The following DPP6 variants were observed in gnomAD, a reference collection of about 807,000 sequenced individuals.
DPP6 encodes A-type potassium channel modulatory protein DPP6.
Under a neutral mutation model 122.6 loss-of-function variants are expected in DPP6, and 69 were observed. The ratio of observed to expected loss-of-function variants is 0.56; its 90% CI spans 0.46 to 0.69. The LOEUF (loss-of-function observed/expected upper bound fraction) is 0.69. DPP6 is among the 30% of genes least tolerant of loss of function. The pLI, the probability that DPP6 is intolerant of heterozygous loss-of-function variation, is 0.00. For missense variants in DPP6, 928 were observed against 1,116.9 expected, an observed-to-expected ratio of 0.83 and a Z score of 2.41; for synonymous variants, 418 against 433.1, an observed-to-expected ratio of 0.97 and a Z score of 0.43.
At chr7:153,772,862 TTCTTG>T in the DPP6 span, among the ~76,000 whole-genome samples, 2 of 147,204 alleles carry the variant, frequency 1.4e-5, no homozygotes. Context: ...CTGATAATTT[TTCTTG>T]TTTCTTTTAT....
chr7:154,413,158 A>T (rs968997058), intron 1 of DPP6, among the ~76,000 whole-genome samples: 2 of 152,226 alleles, frequency 1.3e-5, no homozygotes, highest in African/African-American at 4.8e-5. Context: ...TATAGATTCA[A>T]GGCAGCTGCC....
chr7:154,555,046 A>C (rs1829915656), intron 4 of DPP6, among the ~76,000 whole-genome samples: 1 of 152,266 alleles, frequency 6.6e-6, no homozygotes, highest in South Asian at 2.1e-4. Context: ...ATCAGTGAAA[A>C]CCATTCTAAA....
intron 2 of DPP6, among the ~76,000 whole-genome samples, chr7:154,448,970 G>A (rs1820123447): frequency 6.6e-6 from 1 of 152,190 alleles, no homozygotes; most frequent in South Asian, 2.1e-4. Context: ...AAAACTTTTA[G>A]AAGAAAACAT....
intron 1 of DPP6, among the ~76,000 whole-genome samples, chr7:153,960,258 A>G (rs912530741): frequency 3.9e-5 from 6 of 152,172 alleles, no homozygotes; most frequent in Admixed American, 1.3e-4. Context: ...GTGGCACGTC[A>G]TGCTATTTTA....
At chr7:154,567,133 C>G (rs1586645357) in intron 5 of DPP6, among the ~76,000 whole-genome samples, 2 of 152,142 alleles carry the variant, frequency 1.3e-5, no homozygotes, top group African/African-American at 4.8e-5. Flanking sequence ...ACTTTAGAGG[C>G]TCTTTCATAG....
At chr7:154,886,330 CAG>C (rs1273864104) in intron 22 of DPP6, among the ~76,000 whole-genome samples, 1 of 152,204 alleles carries the variant, frequency 6.6e-6, no homozygotes, top group Admixed American at 6.5e-5. Flanking sequence ...GAGCACAAGG[CAG>C]AGATGGGGTC....
At chr7:153,868,942 T>G in the DPP6 span, among the ~76,000 whole-genome samples, 1 of 152,222 alleles carries the variant, frequency 6.6e-6, no homozygotes, top group East Asian at 1.9e-4. Flanking sequence ...GTTGTTCAGT[T>G]TCCATGTAGT....
chr7:154,798,865 T>C (rs77237887), intron 12 of DPP6, among the ~76,000 whole-genome samples: 10 of 152,372 alleles, frequency 6.6e-5, no homozygotes, highest in Non-Finnish European at 1.3e-4. Flanking sequence ...GTTACTGTGA[T>C]ATCCTGGAGA....
At chr7:153,890,837 G>A (rs1236936103) in intron 1 of DPP6, among the ~76,000 whole-genome samples, 2 of 142,520 alleles carry the variant, frequency 1.4e-5, no homozygotes, top group Admixed American at 1.4e-4. Flanking sequence ...GACTACAGGC[G>A]TGCACCACCA....
At chr7:154,739,503 G>A (rs1191230487) in intron 8 of DPP6, among the ~76,000 whole-genome samples, 5 of 152,140 alleles carry the variant, frequency 3.3e-5, no homozygotes, top group African/African-American at 7.2e-5. Flanking sequence ...CACAAATGAC[G>A]TTCTTGAATG....
chr7:154,307,962 AT>A (rs756145843), intron 1 of DPP6, among the ~76,000 whole-genome samples: 2 of 151,846 alleles, frequency 1.3e-5, no homozygotes, highest in Non-Finnish European at 2.9e-5. Flanking sequence ...TGCTAACTCA[AT>A]GACTGCCTGC....
At chr7:154,768,174 C>T (rs1302826435) in intron 8 of DPP6, among the ~76,000 whole-genome samples, 1 of 152,230 alleles carries the variant, frequency 6.6e-6, no homozygotes. Flanking sequence ...GGCGCTAAGC[C>T]CCCCTTCATG....
intron 7 of DPP6, among the ~76,000 whole-genome samples, chr7:154,711,590 C>G (rs1279338695): frequency 6.6e-6 from 1 of 152,158 alleles, no homozygotes; most frequent in Non-Finnish European, 1.5e-5. Context: ...GTTGAATAAC[C>G]TGCTCACAGC....
At chr7:154,155,522 G>T (rs1211276609) in intron 1 of DPP6, among the ~76,000 whole-genome samples, 1 of 152,216 alleles carries the variant, frequency 6.6e-6, no homozygotes, top group Non-Finnish European at 1.5e-5. Flanking sequence ...AGTTCTGGGA[G>T]TGAGTAACTG....
intron 1 of DPP6, among the ~76,000 whole-genome samples, chr7:153,960,849 A>G (rs1795319413): frequency 6.6e-6 from 1 of 150,422 alleles, no homozygotes; most frequent in Non-Finnish European, 1.5e-5. Flanking sequence ...GGACATGAGT[A>G]CCTTTTCCTT....
intron 6 of DPP6, among the ~76,000 whole-genome samples, chr7:154,658,362 T>C (rs1373943813): frequency 1.3e-5 from 2 of 152,118 alleles, no homozygotes; most frequent in Non-Finnish European, 2.9e-5. Context: ...GCTTATTAAT[T>C]AAAAATAGTA....
chr7:154,503,411 C>G (rs12703358), intron 3 of DPP6, among the ~76,000 whole-genome samples: 38,635 of 152,110 alleles, frequency 0.25, 5,057 homozygotes, highest in Middle Eastern at 0.32. Context: ...TCAGCCATTC[C>G]TTTCTTCACC....
At chr7:154,638,043 GGA>G (rs1370573681) in intron 6 of DPP6, among the ~76,000 whole-genome samples, 170 bp downstream of exon 6, 1 of 152,188 alleles carries the variant, frequency 6.6e-6, no homozygotes, top group African/African-American at 2.4e-5. Flanking sequence ...ATGACACTAA[GGA>G]TGTCAGGGGG....
chr7:154,720,847 G>A (rs879863219), intron 7 of DPP6, among the ~76,000 whole-genome samples: 1 of 152,222 alleles, frequency 6.6e-6, no homozygotes. Context: ...AGTGAGAAGG[G>A]TCTCCTGCCA....
Sources: gnomAD v4.1 joint callset for allele counts (sites outside exome capture counted in the v4.1 genomes callset) on GRCh38, gnomAD v4.1.1 for gene constraint, MANE v1.5 for transcripts, NCBI Gene and HGNC (gene_info 2026-07-23, HGNC 2026-07-21) for gene names.